The following FMN1 variants were observed in gnomAD, a reference collection of about 807,000 sequenced individuals.
FMN1 encodes the protein formin 1.
A neutral mutation model predicts 132.4 loss-of-function variants in FMN1; 110 were observed. The observed-to-expected ratio is 0.83, with a 90% confidence interval of 0.71 to 0.97. The LOEUF is 0.97. Among genes scored for constraint, FMN1 ranks in the 50% least tolerant of loss-of-function variants. The pLI is 0.00. For synonymous variants in FMN1, 722 were observed against 651.7 expected (o/e 1.11, Z -1.64); for missense variants, 1,792 against 1,705.3 (o/e 1.05, Z -0.90).
intron 17 of FMN1, among the ~76,000 whole-genome samples, chr15:32,849,740 T>G (rs780481206): frequency 6.6e-6 from 1 of 152,078 alleles, no homozygotes; most frequent in Non-Finnish European, 1.5e-5. Context: ...CACTGCAACC[T>G]TTGCTTCCTG....
chr15:33,042,820 G>C (rs939435044), intron 6 of FMN1, among the ~76,000 whole-genome samples: 1 of 151,216 alleles, frequency 6.6e-6, no homozygotes, highest in Admixed American at 6.6e-5. Context: ...GCACAAAAGG[G>C]AATTAATTTG....
At chr15:33,125,249 T>G (rs1002029967) in intron 4 of FMN1, among the ~76,000 whole-genome samples, 5 of 152,172 alleles carry the variant, frequency 3.3e-5, no homozygotes, top group Non-Finnish European at 5.9e-5. Flanking sequence ...GGAAATAACC[T>G]CTCTCAAAGA....
chr15:32,999,837 C>T (rs1380771368), intron 7 of FMN1, among the ~76,000 whole-genome samples: 2 of 152,228 alleles, frequency 1.3e-5, no homozygotes, highest in African/African-American at 2.4e-5. Context: ...CAGCTCCTCA[C>T]AAGCCAGACA....
intron 18 of FMN1, among the ~76,000 whole-genome samples, chr15:32,800,931 C>A (rs914106511): frequency 1.3e-5 from 2 of 152,186 alleles, no homozygotes; most frequent in African/African-American, 4.8e-5. Flanking sequence ...TTATGCTTAC[C>A]TTCTATACAG....
chr15:32,851,702 T>TA (rs1309849580), intron 17 of FMN1, among the ~76,000 whole-genome samples: 1 of 152,158 alleles, frequency 6.6e-6, no homozygotes, highest in African/African-American at 2.4e-5. Flanking sequence ...AATAACACTA[T>TA]ATAAGGACAT....
At chr15:33,128,553 G>A (rs915512365) in intron 4 of FMN1, among the ~76,000 whole-genome samples, 1 of 152,216 alleles carries the variant, frequency 6.6e-6, no homozygotes, top group African/African-American at 2.4e-5. Context: ...CACATACCGA[G>A]TCCGGAGTTT....
At chr15:33,079,037 A>G (rs1031455903) in intron 5 of FMN1, among the ~76,000 whole-genome samples, 3 of 152,210 alleles carry the variant, frequency 2.0e-5, no homozygotes, top group Non-Finnish European at 2.9e-5. Context: ...TTTAGTGGCA[A>G]TATTTCAATT....
chr15:32,785,135 G>GGTGT (rs759634791), intron 19 of FMN1, among the ~76,000 whole-genome samples: 1 of 137,728 alleles, frequency 7.3e-6, no homozygotes, highest in Non-Finnish European at 1.6e-5. Flanking sequence ...TGATGCTAGG[G>GGTGT]GTGTGTGTGT....
intron 4 of FMN1, among the ~76,000 whole-genome samples, chr15:33,126,941 C>T (rs1385311395): frequency 6.6e-6 from 1 of 152,180 alleles, no homozygotes; most frequent in Non-Finnish European, 1.5e-5. Context: ...TAAGGTGACT[C>T]CTGACAAAGA....
intron 3 of FMN1, among the ~76,000 whole-genome samples, chr15:33,167,202 A>T (rs1318181246): frequency 6.6e-6 from 1 of 152,112 alleles, no homozygotes; most frequent in Non-Finnish European, 1.5e-5. Flanking sequence ...CCAGGTGGGG[A>T]TAACTGAATC....
rs1555505892 is a variant in FMN1, at chr15:32,964,016, T to TATATATAC, written c.3138+90_3138+91insGTATATAT. ...GGTATGTGTGTGTGTGTATATACGA[T>TATATATAC]ACACACACACACACACACACACACA... On this transcript the variant is annotated intron_variant, in intron 9 of 20. Coordinates refer to ENST00000616417, the MANE Select transcript of FMN1 (RefSeq NM_001277313.2). 1.1e-3 allele frequency: 579 copies of TATATATAC among 508,296 alleles called. 3 individuals are homozygous for TATATATAC. Among genetic ancestry groups the TATATATAC allele is most frequent in the African/African-American group, 0.011 (508 of 48,318 alleles). 31.5% of individuals were successfully genotyped at this position (508,296 alleles called of 1,614,324 possible). A position where few individuals can be genotyped will look rare whatever the true frequency, so the allele number is the denominator to read the frequency against.
chr15:32,798,849 A>C lies in FMN1; in HGVS notation c.4085T>G (p.Phe1362Cys). 6.2e-7 allele frequency: 1 copy of C among 1,613,732 alleles called. No homozygotes were observed. The highest frequency in any genetic ancestry group is 1.7e-5 in the Admixed American group (1 of 59,984). ...FMVWYEFCSDFKTIWKRESKN... is the reference protein window; with the variant it reads ...FMVWYEFCSDCKTIWKRESKN... Reference sequence around the variant, plus strand: ...ACTCTCCCGTTTCCAAATTGTCTTGAAGTCACTGCAGAACTCATACCACAC... The same window carrying C: ...ACTCTCCCGTTTCCAAATTGTCTTGCAGTCACTGCAGAACTCATACCACAC... Residue 1362 changes from phenylalanine (F) to cysteine (C), a missense_variant, in exon 19 of 21, where the codon TTC becomes TGC. Physicochemically the swap from Phe to Cys is radical, Grantham distance 205. Coordinates refer to ENST00000616417, the MANE Select transcript of FMN1 (RefSeq NM_001277313.2).
At chr15:33,067,187 T>G (rs2037777462) in intron 5 of FMN1, 1 of 1,613,860 alleles carries the variant, frequency 6.2e-7, no homozygotes. Flanking sequence ...TCCCACCTGG[T>G]CCTGGCTGGG....
chr15:32,976,853 G>A (rs887350508), intron 7 of FMN1, among the ~76,000 whole-genome samples: 6 of 152,140 alleles, frequency 3.9e-5, no homozygotes, highest in African/African-American at 9.7e-5. Context: ...GCTGATGCTC[G>A]AGAAACACAA....
intron 7 of FMN1, among the ~76,000 whole-genome samples, chr15:32,989,027 T>A (rs944935228): frequency 6.6e-6 from 1 of 152,152 alleles, no homozygotes; most frequent in Non-Finnish European, 1.5e-5. Flanking sequence ...GTCAAAAATA[T>A]CTTTTAAAAA....
At chr15:32,944,889 C>A (rs2061476458) in intron 9 of FMN1, among the ~76,000 whole-genome samples, 1 of 152,070 alleles carries the variant, frequency 6.6e-6, no homozygotes, top group Non-Finnish European at 1.5e-5. Context: ...ATCATGGAGT[C>A]TTGCGGGAAG....
chr15:33,102,107 TAC>T (rs1329285856), intron 4 of FMN1, among the ~76,000 whole-genome samples: 34 of 152,166 alleles, frequency 2.2e-4, no homozygotes, highest in Admixed American at 2.0e-4. Context: ...ACATGTATGA[TAC>T]TACAGCATGT....
intron 9 of FMN1, among the ~76,000 whole-genome samples, chr15:32,943,303 A>T (rs1343913912): frequency 3.3e-5 from 5 of 152,206 alleles, no homozygotes; most frequent in Non-Finnish European, 7.3e-5. Context: ...TAAATTAGAC[A>T]ATCTGATTCT....
intron 9 of FMN1, among the ~76,000 whole-genome samples, chr15:32,949,978 TACACAC>T (rs1323178308): frequency 1.7e-4 from 6 of 36,176 alleles, no homozygotes; most frequent in Admixed American, 1.0e-3. Flanking sequence ...CACATATATA[TACACAC>T]ACATATATAT....
Sources: gnomAD v4.1 joint callset for allele counts (sites outside exome capture counted in the v4.1 genomes callset) on GRCh38, gnomAD v4.1.1 for gene constraint, MANE v1.5 for transcripts, NCBI Gene and HGNC (gene_info 2026-07-23, HGNC 2026-07-21) for gene names.